Variants in COBL observed in about 807,000 individuals in gnomAD.
COBL encodes the protein cordon-bleu WH2 repeat protein.
A neutral mutation model predicts 98.8 loss-of-function variants in COBL; 51 were observed. The observed-to-expected ratio is 0.52, with a 90% CI of 0.41 to 0.65. COBL has a LOEUF of 0.65. Among genes scored for constraint, COBL ranks in the 30% least tolerant of loss-of-function variants. COBL has a pLI of 0.00. For missense variants in COBL, 1,617 were observed against 1,617.5 expected, an observed-to-expected ratio of 1.00 and a Z score of 0.01; for synonymous variants, 634 against 651.7, an observed-to-expected ratio of 0.97 and a Z score of 0.41.
At chr7:51,232,497 G>A (rs1365357953) in intron 1 of COBL, among the ~76,000 whole-genome samples, 1 of 151,974 alleles carries the variant, frequency 6.6e-6, no homozygotes, top group East Asian at 1.9e-4. Context: ...AGCCAGCAGG[G>A]GGATTCTTAT....
chr7:51,134,292 C>T (rs2129004337), intron 6 of COBL, among the ~76,000 whole-genome samples: 1 of 152,346 alleles, frequency 6.6e-6, no homozygotes, highest in African/African-American at 2.4e-5. Context: ...AAGATGGTTT[C>T]CATGAGCCAA....
At chr7:51,180,413 C>G (rs74317733) in intron 5 of COBL, among the ~76,000 whole-genome samples, 1 of 152,126 alleles carries the variant, frequency 6.6e-6, no homozygotes, top group Non-Finnish European at 1.5e-5. Flanking sequence ...CAGGTATTAC[C>G]GGCACAGTTA....
At chr7:51,221,531 T>A (rs1793638397) in intron 1 of COBL, among the ~76,000 whole-genome samples, 2 of 152,224 alleles carry the variant, frequency 1.3e-5, no homozygotes, top group South Asian at 4.1e-4. Context: ...AGTATATTGT[T>A]TTATGTGCAA....
At chr7:51,122,048 G>A (rs546640078) in intron 6 of COBL, among the ~76,000 whole-genome samples, 13 of 152,274 alleles carry the variant, frequency 8.5e-5, no homozygotes, top group South Asian at 8.3e-4. Flanking sequence ...AACTGTCAAC[G>A]TGCAGGAGAG....
intron 7 of COBL, among the ~76,000 whole-genome samples, chr7:51,055,128 CCTT>C (rs1179028846): frequency 1.3e-5 from 2 of 152,162 alleles, no homozygotes; most frequent in African/African-American, 2.4e-5. Context: ...CAGAACAAGT[CCTT>C]CTCTTTCCTC....
intron 1 of COBL, among the ~76,000 whole-genome samples, chr7:51,261,773 C>G (rs1294248393): frequency 1.3e-5 from 2 of 152,120 alleles, no homozygotes; most frequent in Non-Finnish European, 2.9e-5. Flanking sequence ...TTGAAACCAG[C>G]CTTGACCAAC....
At chr7:51,297,273 A>T (rs1801498622) in intron 1 of COBL, among the ~76,000 whole-genome samples, 1 of 152,116 alleles carries the variant, frequency 6.6e-6, no homozygotes, top group South Asian at 2.1e-4. Flanking sequence ...CATTATTAGG[A>T]ATCACACCAG....
intron 7 of COBL, among the ~76,000 whole-genome samples, chr7:51,054,136 G>A (rs1010328666): frequency 2.0e-5 from 3 of 152,192 alleles, no homozygotes; most frequent in Non-Finnish European, 4.4e-5. Context: ...AGCTGGGATC[G>A]TGCTGCAACT....
intron 12 of COBL, chr7:51,020,953 T>A (rs540029349): frequency 2.0e-5 from 3 of 152,368 alleles, no homozygotes; most frequent in Admixed American, 2.0e-4. Flanking sequence ...ACTGCCAATG[T>A]GAAATTTGTG....
chr7:51,266,249 A>G (rs1798189454), intron 1 of COBL, among the ~76,000 whole-genome samples: 1 of 152,252 alleles, frequency 6.6e-6, no homozygotes, highest in Admixed American at 6.5e-5. Context: ...AGCTGCTGTC[A>G]TTAACTTAAT....
rs10435492 is a variant in COBL at position 51,221,701 on chromosome 7, G to A, written c.42-1757C>T. Reference sequence around the variant, plus strand: ...CAAAAATGACCTTGGGTGATGGGTAGTATGACATATGTTTTGCTATTTTTA... The same window carrying A: ...CAAAAATGACCTTGGGTGATGGGTAATATGACATATGTTTTGCTATTTTTA... On this transcript the variant is annotated intron_variant, in intron 1 of 12. Coordinates refer to ENST00000265136, the MANE Select transcript of COBL (RefSeq NM_015198.5). Among the ~76,000 whole-genome samples the A allele has an allele frequency of 7.2e-3, 1,092 of 152,292 alleles. 53 individuals are homozygous for A. In the South Asian group the frequency reaches 0.11, roughly 16 times the overall value.
At chr7:51,090,847 AG>A (rs1554380691) in intron 6 of COBL, among the ~76,000 whole-genome samples, 1 of 152,272 alleles carries the variant, frequency 6.6e-6, no homozygotes, top group Non-Finnish European at 1.5e-5. Flanking sequence ...TTAGAAAATA[AG>A]AGAGCTCAGA....
At chr7:51,050,234 A>G (rs924442638) in intron 7 of COBL, among the ~76,000 whole-genome samples, 2 of 152,156 alleles carry the variant, frequency 1.3e-5, no homozygotes, top group Non-Finnish European at 2.9e-5. Context: ...GAGTCAAGTG[A>G]TGTATTCTTG....
chr7:51,116,784 G>A (rs1006289014), intron 6 of COBL, among the ~76,000 whole-genome samples: 4 of 151,966 alleles, frequency 2.6e-5, no homozygotes, highest in Non-Finnish European at 4.4e-5. Flanking sequence ...ATTTGAAAAT[G>A]TCTTTATTTT....
intron 1 of COBL, among the ~76,000 whole-genome samples, chr7:51,241,172 G>A (rs1795754569): frequency 6.6e-6 from 1 of 152,222 alleles, no homozygotes; most frequent in Non-Finnish European, 1.5e-5. Flanking sequence ...GATTATTAGA[G>A]AGAGCAAATT....
At chr7:51,108,957 C>CACACACACACACACACACACACACACA (rs869144573) in intron 6 of COBL, among the ~76,000 whole-genome samples, 2 of 83,946 alleles carry the variant, frequency 2.4e-5, no homozygotes, top group African/African-American at 4.6e-5. Context: ...CACACACACA[C>CACACACACACACACACACACACACACA]CCCCTGCCCC....
intron 7 of COBL, among the ~76,000 whole-genome samples, chr7:51,063,742 G>A (rs1462897189): frequency 6.6e-6 from 1 of 152,188 alleles, no homozygotes; most frequent in Admixed American, 6.5e-5. Flanking sequence ...TTAAAAAGAA[G>A]AAATCAAGAT....
chr7:51,123,189 G>A (rs955694224), intron 6 of COBL, among the ~76,000 whole-genome samples: 1 of 152,128 alleles, frequency 6.6e-6, no homozygotes, highest in African/African-American at 2.4e-5. Flanking sequence ...CAAAAAACAG[G>A]CAGATATCCG....
At chr7:51,299,171 T>TACATACAC (rs567237659) in intron 1 of COBL, among the ~76,000 whole-genome samples, 102 of 148,876 alleles carry the variant, frequency 6.9e-4, no homozygotes, top group African/African-American at 2.4e-3. Flanking sequence ...CACACATACA[T>TACATACAC]ACACACACAC....
Sources: allele counts gnomAD v4.1 joint callset (sites outside exome capture counted in the v4.1 genomes callset), GRCh38; gene constraint gnomAD v4.1.1; transcripts MANE v1.5; gene names NCBI Gene and HGNC (gene_info 2026-07-23, HGNC 2026-07-21).